The following CTNNBL1 variants were observed in gnomAD, a reference collection of about 807,000 sequenced individuals.
CTNNBL1 encodes the protein beta-catenin-like protein 1.
CTNNBL1 carries 31 observed loss-of-function variants against 72.7 expected under a neutral mutation model. That is an observed-to-expected ratio of 0.43 (90% CI 0.32 to 0.58). The LOEUF (loss-of-function observed/expected upper bound fraction) is 0.58. CTNNBL1 is among the 20% of genes least tolerant of loss of function. The pLI, the probability that CTNNBL1 is intolerant of heterozygous loss-of-function variation, is 0.08. For synonymous variants in CTNNBL1, 240 were observed against 267.3 expected (o/e 0.90, Z 1.00); for missense variants, 534 against 725.1 (o/e 0.74, Z 3.03).
intron 3 of CTNNBL1, among the ~76,000 whole-genome samples, chr20:37,741,951 A>G (rs2073219639): frequency 6.6e-6 from 1 of 152,112 alleles, no homozygotes; most frequent in Non-Finnish European, 1.5e-5. Context: ...GAAGGAACTG[A>G]GAAGCACAGT....
intron 1 of CTNNBL1, among the ~76,000 whole-genome samples, chr20:37,714,470 A>G (rs776955840): frequency 3.3e-5 from 5 of 152,240 alleles, no homozygotes; most frequent in African/African-American, 1.2e-4. Context: ...AGCCCTAGTC[A>G]TAGATAACTT....
At chr20:37,793,770 G>A (rs1019030443) in intron 10 of CTNNBL1, among the ~76,000 whole-genome samples, 2 of 152,026 alleles carry the variant, frequency 1.3e-5, no homozygotes, top group Non-Finnish European at 2.9e-5. Context: ...GTGGTCAAGT[G>A]GTCAGTTATC....
intron 11 of CTNNBL1, among the ~76,000 whole-genome samples, chr20:37,816,174 A>G (rs2072056987): frequency 6.6e-6 from 1 of 152,220 alleles, no homozygotes; most frequent in Non-Finnish European, 1.5e-5. Flanking sequence ...AAGGATCCCC[A>G]AACAGAAATT....
At chr20:37,736,339 TCTG>T (rs1307916736) in intron 2 of CTNNBL1, among the ~76,000 whole-genome samples, 1 of 152,156 alleles carries the variant, frequency 6.6e-6, no homozygotes, top group African/African-American at 2.4e-5. Flanking sequence ...TTTGCCAACT[TCTG>T]CTGTAGGAAA....
At chr20:37,769,229 A>T (rs574374925) in intron 7 of CTNNBL1, among the ~76,000 whole-genome samples, 25 of 152,332 alleles carry the variant, frequency 1.6e-4, no homozygotes, top group South Asian at 1.2e-3. Flanking sequence ...TTTAAAATAT[A>T]CATTTGTCTC....
rs1426553277 is a variant in CTNNBL1, at chr20:37,714,475, T to C, written c.31-18404T>C. 5.9e-5 allele frequency among the ~76,000 whole-genome samples: 9 copies of C among 152,270 alleles called. 1 individual carries two copies. The highest frequency in any genetic ancestry group is 8.8e-5 in the Non-Finnish European group (6 of 68,054). On this transcript the variant is annotated intron_variant, in intron 1 of 15. Transcript: ENST00000361383. ...GAATGATAGTAGCCCTAGTCATAGA[T>C]AACTTGGAGTTGAGTGAATCTTGCT...
At chr20:37,848,556 G>A (rs1368216562) in intron 13 of CTNNBL1, among the ~76,000 whole-genome samples, 1 of 152,116 alleles carries the variant, frequency 6.6e-6, no homozygotes, top group Non-Finnish European at 1.5e-5. Context: ...GGGCCTGGGG[G>A]CAGAGGACGT....
At chr20:37,793,883 C>CA (rs2073746852) in intron 10 of CTNNBL1, among the ~76,000 whole-genome samples, 1 of 152,032 alleles carries the variant, frequency 6.6e-6, no homozygotes, top group South Asian at 2.1e-4. Flanking sequence ...AGGGTTCAAG[C>CA]AATTCTCCTG....
intron 1 of CTNNBL1, among the ~76,000 whole-genome samples, chr20:37,724,314 G>T (rs746861777): frequency 3.7e-4 from 57 of 152,104 alleles, no homozygotes; most frequent in Non-Finnish European, 7.1e-4. Context: ...GTTTATTCTC[G>T]AAAAGGCATT....
intron 7 of CTNNBL1, among the ~76,000 whole-genome samples, chr20:37,774,232 C>T (rs1568774264): frequency 6.6e-6 from 1 of 152,192 alleles, no homozygotes; most frequent in East Asian, 1.9e-4. Context: ...TATTTCTAAT[C>T]CTCACAAACA....
At chr20:37,708,462 G>A (rs576570523) in intron 1 of CTNNBL1, among the ~76,000 whole-genome samples, 33 of 152,172 alleles carry the variant, frequency 2.2e-4, no homozygotes, top group East Asian at 3.9e-4. Flanking sequence ...GTGAGCCACC[G>A]CGCCCAGCTG....
At chr20:37,825,801 C>T (rs972086215) in intron 11 of CTNNBL1, among the ~76,000 whole-genome samples, 12 of 152,324 alleles carry the variant, frequency 7.9e-5, no homozygotes, top group East Asian at 1.9e-4. Flanking sequence ...CTGAGTTCCT[C>T]AAGTCGCTGG....
chr20:37,782,197 G>A (rs1422989348), intron 10 of CTNNBL1, among the ~76,000 whole-genome samples: 1 of 152,108 alleles, frequency 6.6e-6, no homozygotes, highest in Non-Finnish European at 1.5e-5. Context: ...GAAGCTCAAA[G>A]GCTAGTGAGG....
chr20:37,839,687 T>C (rs372101732), intron 11 of CTNNBL1, among the ~76,000 whole-genome samples: 73 of 152,362 alleles, frequency 4.8e-4, no homozygotes, highest in East Asian at 4.1e-3. Context: ...GGGAAAGTTA[T>C]AAGGTAATTT....
At chr20:37,825,372 TA>T (rs1213544715) in intron 11 of CTNNBL1, among the ~76,000 whole-genome samples, 5 of 42,076 alleles carry the variant, frequency 1.2e-4, no homozygotes, top group African/African-American at 3.9e-4. Flanking sequence ...AAATAAGAAA[TA>T]AAATAAAAAG....
intron 13 of CTNNBL1, among the ~76,000 whole-genome samples, chr20:37,842,916 C>G (rs1264411449): frequency 1.3e-5 from 2 of 152,208 alleles, no homozygotes; most frequent in East Asian, 3.8e-4. Context: ...GCATTGCAGC[C>G]AAGCCAAACC....
intron 15 of CTNNBL1, among the ~76,000 whole-genome samples, chr20:37,868,588 T>C: frequency 6.6e-6 from 1 of 152,200 alleles, no homozygotes; most frequent in East Asian, 1.9e-4. Context: ...ATATCCCCTT[T>C]CCAGAGAATG....
chr20:37,859,385 C>G (rs545860547), intron 13 of CTNNBL1, among the ~76,000 whole-genome samples: 2 of 151,666 alleles, frequency 1.3e-5, no homozygotes, highest in Non-Finnish European at 2.9e-5. Context: ...AAAGAAAATG[C>G]TTGACTGACT....
rs745310323 is a variant in CTNNBL1 at position 37,737,456 on chromosome 20, C to T, written c.298C>T (p.Arg100Trp). Residue 100 changes from arginine to tryptophan, a missense_variant, in exon 3 of 16, where the codon CGG becomes TGG. Transcript: ENST00000361383. Reference protein sequence around the residue: ...EKRSYKNQELRIKFPDNPEKF... With the variant: ...EKRSYKNQELWIKFPDNPEKF... ...GAGATCATATAAAAACCAAGAATTG[C>T]GGATTAAGTTTCCAGACAATCCAGA... 5.6e-6 allele frequency: 9 copies of T among 1,611,770 alleles called. No homozygotes were observed. The highest frequency in any genetic ancestry group is 2.2e-5 in the East Asian group (1 of 44,838).
Sources: allele counts gnomAD v4.1 joint callset (sites outside exome capture counted in the v4.1 genomes callset), GRCh38; gene constraint gnomAD v4.1.1; transcripts MANE v1.5; gene names NCBI Gene and HGNC (gene_info 2026-07-23, HGNC 2026-07-21).